SLC4A10: variants seen among roughly 807,000 people sequenced by gnomAD.
SLC4A10 encodes solute carrier family 4 member 10, also known as sodium-driven chloride bicarbonate exchanger.
In SLC4A10, 42 loss-of-function variants were observed where a neutral mutation model predicts 137.7. That is an observed-to-expected ratio of 0.30 (90% CI 0.24 to 0.39). SLC4A10 has a LOEUF of 0.39. Among genes scored for constraint, SLC4A10 ranks in the 10% least tolerant of loss-of-function variants. The pLI is 1.00. For synonymous variants in SLC4A10, 474 were observed against 464.1 expected (o/e 1.02, Z -0.27); for missense variants, 925 against 1,355.0 (o/e 0.68, Z 4.98).
chr2:161,744,835 A>G lies in SLC4A10; in HGVS notation c.49-26138A>G, dbSNP rs2048247775. On this transcript the variant is annotated intron_variant, in intron 1 of 26. Transcript: ENST00000446997. ...AAAAGATATTGTAGTTTTATTTTTGATAGGTTTATCTTTTAGTCTTCTTAC... is the reference window on the plus strand; with the variant it reads ...AAAAGATATTGTAGTTTTATTTTTGGTAGGTTTATCTTTTAGTCTTCTTAC... 1.3e-5 allele frequency among the ~76,000 whole-genome samples: 2 copies of G among 152,052 alleles called. 1 individual carries two copies. The highest frequency in any genetic ancestry group is 1.3e-4 in the Admixed American group (2 of 15,266).
chr2:161,764,082 T>C (rs950400996), intron 1 of SLC4A10, among the ~76,000 whole-genome samples: 9 of 152,202 alleles, frequency 5.9e-5, no homozygotes, highest in African/African-American at 2.2e-4. Flanking sequence ...ATAATTATAA[T>C]AGTAAAAGAG....
chr2:161,766,023 T>G (rs946461839), intron 1 of SLC4A10, among the ~76,000 whole-genome samples: 3 of 152,156 alleles, frequency 2.0e-5, no homozygotes, highest in Admixed American at 6.6e-5. Context: ...AGTATTAATT[T>G]GTATCTTGGG....
At chr2:161,870,339 A>G (rs990531370) in intron 6 of SLC4A10, among the ~76,000 whole-genome samples, 9 of 151,654 alleles carry the variant, frequency 5.9e-5, no homozygotes, top group Admixed American at 5.3e-4. Context: ...TCAAAATTTA[A>G]TCTCTTCAAA....
chr2:161,739,775 G>T (rs2047696830), intron 1 of SLC4A10, among the ~76,000 whole-genome samples: 1 of 152,158 alleles, frequency 6.6e-6, no homozygotes, highest in Non-Finnish European at 1.5e-5. Flanking sequence ...GTTGCAAAAG[G>T]AACATACTTG....
At chr2:161,734,006 C>T (rs777739650) in intron 1 of SLC4A10, among the ~76,000 whole-genome samples, 3 of 152,200 alleles carry the variant, frequency 2.0e-5, no homozygotes, top group Non-Finnish European at 4.4e-5. Context: ...ATACCTGTAC[C>T]CCATTGTATC....
At chr2:161,868,440 A>C (rs2060897279) in intron 6 of SLC4A10, among the ~76,000 whole-genome samples, 1 of 151,442 alleles carries the variant, frequency 6.6e-6, no homozygotes, top group Non-Finnish European at 1.5e-5. Context: ...TACTCAAAAT[A>C]CTCTCAGTTT....
intron 11 of SLC4A10, 69 bp from the exon 12 acceptor site, chr2:161,900,842 T>C (rs895007435): frequency 6.2e-5 from 68 of 1,098,968 alleles, no homozygotes; most frequent in Non-Finnish European, 8.6e-5. Context: ...AATGAACTGT[T>C]ATTATTATTT....
intron 1 of SLC4A10, among the ~76,000 whole-genome samples, chr2:161,746,481 G>C (rs1231854283): frequency 6.6e-6 from 1 of 152,070 alleles, no homozygotes; most frequent in South Asian, 2.1e-4. Flanking sequence ...TCTCACTTCA[G>C]GGCGCAGGTT....
At chr2:161,785,243 A>T (rs2053492546) in intron 2 of SLC4A10, among the ~76,000 whole-genome samples, 1 of 151,928 alleles carries the variant, frequency 6.6e-6, no homozygotes, top group South Asian at 2.1e-4. Flanking sequence ...CAGTAATAAA[A>T]GACCTCCAAA....
chr2:161,646,832 C>A (rs1053753948), intron 1 of SLC4A10, among the ~76,000 whole-genome samples: 1 of 151,962 alleles, frequency 6.6e-6, no homozygotes, highest in African/African-American at 2.4e-5. Context: ...GAAAGCCTTG[C>A]TACTATAATA....
chr2:161,660,589 TTTCTTTC>T lies in SLC4A10; in HGVS notation c.48+36026_48+36032del, dbSNP rs754216596. Reference sequence around the variant, plus strand: ...CTTTCTTTCTTTCTTTCTTTCTTTCTTTCTTTCTTTCTTTCTTTCTTTCTTTCTTTCT... The same window carrying T: ...CTTTCTTTCTTTCTTTCTTTCTTTCTTTTCTTTCTTTCTTTCTTTCTTTCT... On this transcript the variant is annotated intron_variant, in intron 1 of 26. Coordinates refer to ENST00000446997, the MANE Select transcript of SLC4A10 (RefSeq NM_001178015.2). Among the ~76,000 whole-genome samples, 145 of 140,058 alleles carry T rather than the reference TTTCTTTC, an allele frequency of 1.0e-3. 1 individual carries two copies. The highest frequency in any genetic ancestry group is 1.7e-3 in the Non-Finnish European group (108 of 62,170). 91.9% of individuals were successfully genotyped at this position (140,058 alleles called of 152,430 possible).
chr2:161,945,081 T>G (rs1462258567), intron 16 of SLC4A10, among the ~76,000 whole-genome samples: 3 of 150,104 alleles, frequency 2.0e-5, no homozygotes, highest in Non-Finnish European at 4.5e-5. Context: ...GCATAGTAAG[T>G]GTCAAACATT....
chr2:161,795,160 C>T (rs987407381), intron 2 of SLC4A10, among the ~76,000 whole-genome samples: 3 of 152,168 alleles, frequency 2.0e-5, no homozygotes, highest in East Asian at 3.9e-4. Flanking sequence ...CTGTACCTGC[C>T]AATACATATC....
chr2:161,769,210 C>T (rs573699556), intron 1 of SLC4A10, among the ~76,000 whole-genome samples: 29 of 152,022 alleles, frequency 1.9e-4, no homozygotes, highest in African/African-American at 5.8e-4. Context: ...CTCTGCTTAG[C>T]GGGCCCATAT....
At chr2:161,928,687 G>A (rs2105594871) in intron 15 of SLC4A10, among the ~76,000 whole-genome samples, 1 of 149,186 alleles carries the variant, frequency 6.7e-6, no homozygotes, top group South Asian at 2.1e-4. Context: ...TTCAGGTTGG[G>A]ACAGACCTGG....
At chr2:161,901,077 A>G in intron 12 of SLC4A10, 66 bp downstream of exon 12, 1 of 1,245,284 alleles carries the variant, frequency 8.0e-7, no homozygotes, top group Non-Finnish European at 1.2e-6. Flanking sequence ...TCTGTCAGAA[A>G]TTGCTATTTT....
chr2:161,960,729 G>GA (rs113428226), intron 21 of SLC4A10, among the ~76,000 whole-genome samples: 7,490 of 132,726 alleles, frequency 0.056, 223 homozygotes, highest in South Asian at 0.095. Context: ...CAAAAAAAAA[G>GA]AAAAAAAAAA....
At chr2:161,877,296 AT>A (rs1449770087) in intron 8 of SLC4A10, among the ~76,000 whole-genome samples, 1 of 152,120 alleles carries the variant, frequency 6.6e-6, no homozygotes, top group Non-Finnish European at 1.5e-5. Context: ...TCAATTATGG[AT>A]TTTAAAAAAA....
intron 3 of SLC4A10, among the ~76,000 whole-genome samples, chr2:161,829,912 C>G (rs1361590762): frequency 6.6e-6 from 1 of 152,086 alleles, no homozygotes; most frequent in African/African-American, 2.4e-5. Flanking sequence ...CATCAGATCT[C>G]ATGAGACTTA....
Sources: allele counts gnomAD v4.1 joint callset (sites outside exome capture counted in the v4.1 genomes callset), GRCh38; gene constraint gnomAD v4.1.1; transcripts MANE v1.5; gene names NCBI Gene and HGNC (gene_info 2026-07-23, HGNC 2026-07-21).